The following FAF1 variants were observed in gnomAD, a reference collection of about 807,000 sequenced individuals.
The protein encoded by FAF1 is FAS-associated factor 1.
FAF1 carries 25 observed loss-of-function variants against 92.5 expected under a neutral mutation model. The ratio of observed to expected loss-of-function variants is 0.27; its 90% CI spans 0.20 to 0.38. The LOEUF (loss-of-function observed/expected upper bound fraction) is 0.38, where lower values mean the gene tolerates loss of function less well. FAF1 is among the 10% of genes least tolerant of loss of function. The pLI is 1.00. For missense variants in FAF1, 636 were observed against 793.3 expected (o/e 0.80, Z 2.38); for synonymous variants, 234 against 273.2 (o/e 0.86, Z 1.42).
At chr1:50,885,483 T>C (rs1399965685) in intron 1 of FAF1, among the ~76,000 whole-genome samples, 1 of 152,158 alleles carries the variant, frequency 6.6e-6, no homozygotes, top group Admixed American at 6.5e-5. Context: ...CTTTATTTTG[T>C]CTGATATAAC....
chr1:50,555,604 C>G (rs1344320071), intron 13 of FAF1, among the ~76,000 whole-genome samples: 1 of 151,956 alleles, frequency 6.6e-6, no homozygotes, highest in Non-Finnish European at 1.5e-5. Context: ...ATTAAAAAGT[C>G]AAAAACTAAT....
At chr1:50,663,998 C>CTTTT (rs555597172) in intron 7 of FAF1, among the ~76,000 whole-genome samples, 2 of 128,768 alleles carry the variant, frequency 1.6e-5, no homozygotes, top group Non-Finnish European at 3.3e-5. Context: ...ATCTGTTAAT[C>CTTTT]TTTTTTTTTT....
rs546296421 is a variant in FAF1, at chr1:50,585,156, T to C, written c.841-345A>G. 7.2e-5 allele frequency among the ~76,000 whole-genome samples: 11 copies of C among 152,314 alleles called. No homozygotes were observed. The East Asian group carries it at 1.4e-3, about 19-fold the overall frequency. ...TGGAGAAGTCAGAGACAAAGTAAGT[T>C]ATGCGTCTCTCAAAAAGCTCACATT... On this transcript the variant is annotated intron_variant, in intron 9 of 18. Transcript: ENST00000396153.
chr1:50,819,728 TAC>T (rs1372267994), intron 2 of FAF1, among the ~76,000 whole-genome samples: 2 of 12,404 alleles, frequency 1.6e-4, no homozygotes, highest in Non-Finnish European at 3.4e-4. Flanking sequence ...TATATATATA[TAC>T]ATATATATAC....
intron 18 of FAF1, among the ~76,000 whole-genome samples, chr1:50,468,797 T>C (rs982006313): frequency 6.6e-6 from 1 of 152,134 alleles, no homozygotes; most frequent in Non-Finnish European, 1.5e-5. Context: ...GGTTTCATCA[T>C]GTAGGCCAGG....
At chr1:50,596,260 T>A (rs373040763) in intron 8 of FAF1, 44 bp from the exon 9 acceptor site, 1 of 1,373,160 alleles carries the variant, frequency 7.3e-7, no homozygotes, top group East Asian at 2.3e-5. Flanking sequence ...AATACGGCCA[T>A]GTTTCACAAA....
chr1:50,554,269 C>A (rs1649445809), intron 13 of FAF1, among the ~76,000 whole-genome samples: 2 of 151,172 alleles, frequency 1.3e-5, no homozygotes, highest in Non-Finnish European at 2.9e-5. Context: ...GCAATGACCT[C>A]ACAGAACCTC....
intron 1 of FAF1, among the ~76,000 whole-genome samples, chr1:50,918,089 T>G (rs1320945617): frequency 1.3e-5 from 2 of 151,936 alleles, no homozygotes; most frequent in East Asian, 3.9e-4. Flanking sequence ...ATTACAGGAG[T>G]GGGCCACCAC....
chr1:50,564,965 T>TA (rs1650106763), intron 13 of FAF1, among the ~76,000 whole-genome samples: 1 of 152,050 alleles, frequency 6.6e-6, no homozygotes, highest in Non-Finnish European at 1.5e-5. Context: ...GTTTTTTTTT[T>TA]ATTACTTGCT....
chr1:50,508,126 T>C (rs967950971), intron 15 of FAF1, among the ~76,000 whole-genome samples: 4 of 152,236 alleles, frequency 2.6e-5, no homozygotes, highest in African/African-American at 9.6e-5. Flanking sequence ...CCCTTGTACA[T>C]TGCTGGCTGG....
chr1:50,893,168 C>T (rs116526297), intron 1 of FAF1, among the ~76,000 whole-genome samples: 1,741 of 152,308 alleles, frequency 0.011, 40 homozygotes, highest in African/African-American at 0.04. Flanking sequence ...ATATCTGTTT[C>T]TCCAGGATTG....
chr1:50,733,021 T>TC (rs1211097965), intron 6 of FAF1, among the ~76,000 whole-genome samples: 17 of 152,294 alleles, frequency 1.1e-4, no homozygotes, highest in African/African-American at 3.9e-4. Context: ...AACCACTATC[T>TC]CTGTGTCGTC....
intron 14 of FAF1, 55 bp from the exon 15 acceptor site, chr1:50,535,512 A>G: frequency 3.0e-6 from 3 of 1,003,390 alleles, no homozygotes; most frequent in Non-Finnish European, 4.6e-6. Flanking sequence ...TATAACTTCA[A>G]ATTATTAAAG....
At chr1:50,958,334 G>A (rs1645286758) in intron 1 of FAF1, among the ~76,000 whole-genome samples, 1 of 152,088 alleles carries the variant, frequency 6.6e-6, no homozygotes, top group South Asian at 2.1e-4. Context: ...AGATTTCACT[G>A]GGTAACCAAA....
intron 14 of FAF1, among the ~76,000 whole-genome samples, chr1:50,538,252 G>A (rs1347915498): frequency 6.8e-6 from 1 of 147,420 alleles, no homozygotes; most frequent in Non-Finnish European, 1.5e-5. Flanking sequence ...CCACACCAGT[G>A]CTTTTCTTCC....
At chr1:50,637,701 G>GTT (rs143327398) in intron 8 of FAF1, among the ~76,000 whole-genome samples, 1 of 150,824 alleles carries the variant, frequency 6.6e-6, no homozygotes, top group African/African-American at 2.4e-5. Context: ...GTGTGTGTGT[G>GTT]TGTGTGTGTG....
At chr1:50,653,082 T>C (rs1202622353) in intron 8 of FAF1, among the ~76,000 whole-genome samples, 2 of 152,080 alleles carry the variant, frequency 1.3e-5, no homozygotes, top group Admixed American at 6.6e-5. Context: ...AGGTAAACAG[T>C]AGACCATCAT....
In FAF1 at chr1:50,705,941, G is replaced by C. The variant is rs1300666446; in HGVS notation, c.552-50C>G. The C allele has an allele frequency of 3.4e-6, 4 of 1,182,742 alleles. No individual in the cohort carries two copies. The African/African-American group carries it at 4.5e-5, about 13-fold the overall frequency. 73.3% of individuals were successfully genotyped at this position (1,182,742 alleles called of 1,614,324 possible). ...GGAACTCAGAGATGAACAAGTTCTA[G>C]CTTGCTTTACAGCTAGCTGCAAAAA... On this transcript the variant is annotated intron_variant, in intron 6 of 18. Transcript: ENST00000396153.
intron 2 of FAF1, among the ~76,000 whole-genome samples, chr1:50,844,622 T>A (rs112049131): frequency 6.6e-6 from 1 of 151,004 alleles, no homozygotes; most frequent in African/African-American, 2.4e-5. Flanking sequence ...GTCAACATAA[T>A]GATGGAGCCA....
Sources: allele counts gnomAD v4.1 joint callset (sites outside exome capture counted in the v4.1 genomes callset), GRCh38; gene constraint gnomAD v4.1.1; transcripts MANE v1.5; gene names NCBI Gene and HGNC (gene_info 2026-07-23, HGNC 2026-07-21).